Variants in FKBP9 observed in about 807,000 individuals in gnomAD.
FKBP9 encodes the protein peptidyl-prolyl cis-trans isomerase FKBP9.
Under a neutral mutation model 55.6 loss-of-function variants are expected in FKBP9, and 27 were observed. That is an observed-to-expected ratio of 0.49 (90% confidence interval 0.36 to 0.67). The LOEUF (loss-of-function observed/expected upper bound fraction) is 0.67, where lower values mean the gene tolerates loss of function less well. FKBP9 is among the 30% of genes least tolerant of loss of function. FKBP9 has a pLI of 0.00. For synonymous variants in FKBP9, 267 were observed against 296.5 expected (o/e 0.90, Z 1.02); for missense variants, 539 against 742.8 (o/e 0.73, Z 3.19).
chr7:32,974,779 C>G lies in FKBP9; in HGVS notation c.367+17C>G, dbSNP rs370361846. Reference sequence around the variant, plus strand: ...AAGGAGTTTGTAAGCTTTTCTTCCTCGTTTATAAACACGTCAGCAGAAACA... The same window carrying G: ...AAGGAGTTTGTAAGCTTTTCTTCCTGGTTTATAAACACGTCAGCAGAAACA... On this transcript the variant is annotated intron_variant, in intron 2 of 9. Coordinates refer to ENST00000242209, the MANE Select transcript of FKBP9 (RefSeq NM_007270.5). 9 of 1,606,922 alleles carry G rather than the reference C, an allele frequency of 5.6e-6. No homozygotes were observed. In the African/African-American group the frequency reaches 1.2e-4, roughly 22 times the overall value.
chr7:32,967,359 C>T (rs924912264), intron 1 of FKBP9, among the ~76,000 whole-genome samples: 74 of 152,312 alleles, frequency 4.9e-4, no homozygotes, highest in Non-Finnish European at 2.6e-4. Context: ...AAACTTTGTG[C>T]CCACTGAACA....
rs1784070929 is a variant in FKBP9, at chr7:32,963,580, T to A, written c.221+5786T>A. 4 of 1,381,374 alleles carry A rather than the reference T, an allele frequency of 2.9e-6. No individual in the cohort carries two copies. In the East Asian group the frequency reaches 1.1e-4, roughly 39 times the overall value. 85.6% of individuals were successfully genotyped at this position (1,381,374 alleles called of 1,614,324 possible). A position where few individuals can be genotyped will look rare whatever the true frequency, so the allele number is the denominator to read the frequency against. On this transcript the variant is annotated intron_variant, in intron 1 of 9. Transcript: ENST00000242209. ...CAGCGGAGGATAAAGCTGACAAAAG[T>A]CCCTGCCCTCAAGTCAGGGTTGGGG...
chr7:32,991,813 G>A (rs1050436066), intron 6 of FKBP9, among the ~76,000 whole-genome samples: 31 of 152,112 alleles, frequency 2.0e-4, no homozygotes, highest in African/African-American at 7.2e-4. Flanking sequence ...TCACTTCATC[G>A]ATGGTTTGCT....
chr7:32,989,362 T>C (rs1190716922), intron 6 of FKBP9, among the ~76,000 whole-genome samples: 1 of 152,158 alleles, frequency 6.6e-6, no homozygotes, highest in Non-Finnish European at 1.5e-5. Context: ...AAAAAGAAAA[T>C]ACAGTTAAGC....
intron 1 of FKBP9, among the ~76,000 whole-genome samples, chr7:32,960,083 CG>C (rs1562560728): frequency 6.7e-6 from 1 of 149,472 alleles, no homozygotes; most frequent in African/African-American, 2.5e-5. Flanking sequence ...TAGTTCTCCA[CG>C]GTCTCAACAA....
intron 1 of FKBP9, among the ~76,000 whole-genome samples, chr7:32,969,567 C>T (rs1045406029): frequency 6.6e-6 from 1 of 152,026 alleles, no homozygotes; most frequent in Non-Finnish European, 1.5e-5. Context: ...CTATTTTGAT[C>T]TATTGGTCTA....
In FKBP9 at chr7:32,957,774, C is replaced by T. The variant is rs766320017; in HGVS notation, c.201C>T (p.Asp67=). ...VRYHYVGTFP[D]GQKFDSSYDR... is the part of the protein sequence containing the mutation. ...ACCACTACGTGGGGACGTTCCCCGA[C>T]GGCCAGAAGTTCGACTCCAGGTACC... The change falls in exon 1 of 10, where the codon GAC becomes GAT. Residue 67 remains aspartate (D), a synonymous_variant. Transcript: ENST00000242209. 2.1e-6 allele frequency: 3 copies of T among 1,459,274 alleles called. No homozygotes were observed. The highest frequency in any genetic ancestry group is 2.9e-5 in the African/African-American group (2 of 68,074). The allele number at this position is 1,459,274 out of a possible 1,614,324, so 90.4% of individuals were successfully genotyped here.
At chr7:32,998,305 T>C (rs1275926427) in intron 7 of FKBP9, among the ~76,000 whole-genome samples, 1 of 152,086 alleles carries the variant, frequency 6.6e-6, no homozygotes, top group African/African-American at 2.4e-5. Context: ...GATGTTCATA[T>C]TCCTGTCCGC....
At chr7:32,996,778 CTTTTTTTT>C (rs1170596077) in intron 7 of FKBP9, among the ~76,000 whole-genome samples, 3 of 32,340 alleles carry the variant, frequency 9.3e-5, no homozygotes, top group South Asian at 1.2e-3. Context: ...AAGTCTCACT[CTTTTTTTT>C]TTTTTTTTTT....
chr7:32,964,077 G>A (rs1784085279), intron 1 of FKBP9, among the ~76,000 whole-genome samples: 1 of 152,252 alleles, frequency 6.6e-6, no homozygotes, highest in African/African-American at 2.4e-5. Flanking sequence ...CTTAGGAGTT[G>A]TTTAGAGTGT....
intron 1 of FKBP9, among the ~76,000 whole-genome samples, chr7:32,959,667 T>C (rs1404255827): frequency 6.6e-6 from 1 of 152,244 alleles, no homozygotes; most frequent in Non-Finnish European, 1.5e-5. Context: ...TTTATGTCTC[T>C]ATGGATTTGC....
intron 5 of FKBP9, among the ~76,000 whole-genome samples, chr7:32,987,293 C>T (rs778086032): frequency 3.9e-5 from 6 of 151,982 alleles, no homozygotes; most frequent in Admixed American, 3.3e-4. Context: ...CCCAGGAGTT[C>T]GAGACCAACC....
In FKBP9 at chr7:32,961,349, A is replaced by G. The variant is rs370109178; in HGVS notation, c.221+3555A>G. Among the ~76,000 whole-genome samples the G allele has an allele frequency of 4.7e-4, 72 of 152,252 alleles. 2 individuals carry two copies. In the East Asian group the frequency reaches 9.4e-3, roughly 20 times the overall value. On this transcript the variant is annotated intron_variant, in intron 1 of 9. Transcript: ENST00000242209. ...AGATGCTCTAGCACAGTAGTGTTTA[A>G]ACTACATATACTTCTGAATCACGTA... is the stretch of plus-strand genomic sequence containing the variant.
At chr7:32,978,395 G>C (rs529666543) in intron 4 of FKBP9, among the ~76,000 whole-genome samples, 16 of 152,000 alleles carry the variant, frequency 1.1e-4, no homozygotes, top group Non-Finnish European at 2.2e-4. Context: ...TAGAGACAGG[G>C]TCTCACTCTG....
chr7:32,977,552 G>A (rs1784382544), intron 4 of FKBP9, among the ~76,000 whole-genome samples: 1 of 151,914 alleles, frequency 6.6e-6, no homozygotes, highest in Non-Finnish European at 1.5e-5. Flanking sequence ...TAATCTCATG[G>A]GACCACTCTC....
intron 5 of FKBP9, among the ~76,000 whole-genome samples, chr7:32,987,628 C>T (rs950620176): frequency 4.6e-5 from 7 of 152,142 alleles, no homozygotes; most frequent in African/African-American, 1.4e-4. Flanking sequence ...ATAAGGGCTA[C>T]GTTCGATTCT....
intron 5 of FKBP9, among the ~76,000 whole-genome samples, chr7:32,985,553 T>A (rs1784560330): frequency 6.6e-6 from 1 of 152,210 alleles, no homozygotes; most frequent in Non-Finnish European, 1.5e-5. Flanking sequence ...CCTGCTTAAT[T>A]TTTTACAAGA....
chr7:32,982,362 A>C (rs1428269151), intron 5 of FKBP9, among the ~76,000 whole-genome samples: 4 of 152,120 alleles, frequency 2.6e-5, no homozygotes. Context: ...AGCAAACACA[A>C]ATGTTATTTT....
At chr7:32,968,657 C>G (rs372775596) in intron 1 of FKBP9, among the ~76,000 whole-genome samples, 1 of 151,834 alleles carries the variant, frequency 6.6e-6, no homozygotes, top group Non-Finnish European at 1.5e-5. Flanking sequence ...ACTGCAACCT[C>G]TGCCTCCTAG....
Sources: allele counts gnomAD v4.1 joint callset (sites outside exome capture counted in the v4.1 genomes callset), GRCh38; gene constraint gnomAD v4.1.1; transcripts MANE v1.5; gene names NCBI Gene and HGNC (gene_info 2026-07-23, HGNC 2026-07-21).